The following BMP7 variants were observed in gnomAD, a reference collection of about 807,000 sequenced individuals.
The protein encoded by BMP7 is bone morphogenetic protein 7.
Under a neutral mutation model 41.2 loss-of-function variants are expected in BMP7, and 12 were observed. The observed-to-expected ratio is 0.29, with a 90% CI of 0.19 to 0.47. The LOEUF (loss-of-function observed/expected upper bound fraction) is 0.47. BMP7 is among the 20% of genes least tolerant of loss of function. BMP7 has a pLI of 0.99. For missense variants in BMP7, 467 were observed against 606.0 expected, an observed-to-expected ratio of 0.77 and a Z score of 2.41; for synonymous variants, 248 against 250.0, an observed-to-expected ratio of 0.99 and a Z score of 0.07.
rs1209696910 is a variant in BMP7 at position 57,171,372 on chromosome 20, G to C, written c.1147-264C>G. ...GGAAGGGGCCAGATCCGACATTCAG[G>C]ACCAGGTAATTCTCTGTTGGGGAAC... On this transcript the variant is annotated intron_variant, in intron 6 of 6. Transcript: ENST00000395863. This position sits in a 1 kb window ranked among gnomAD's most constrained non-coding sequence, Gnocchi z 4.5. Among the ~76,000 whole-genome samples, 1 of 152,190 alleles carries C rather than the reference G, an allele frequency of 6.6e-6. No individual in the cohort carries two copies.
Position 57,224,694 on chromosome 20 carries a change from T to G in BMP7, c.611+3535A>C, listed in dbSNP as rs1454383017. On this transcript the variant is annotated intron_variant, in intron 2 of 6. Coordinates refer to ENST00000395863, the MANE Select transcript of BMP7 (RefSeq NM_001719.3). The surrounding 1 kb of genome is among the most constrained non-coding windows in gnomAD (Gnocchi z 4.8). ...TCAGAAAATGAGGATAAGACTCCGA[T>G]CCTTTCGCAGCCCCCTCTCACCCCA... is the stretch of plus-strand genomic sequence containing the variant. The G allele has an allele frequency of 6.6e-6, 1 of 152,226 alleles. No homozygotes were observed. Among genetic ancestry groups the G allele is most frequent in the Non-Finnish European group, 1.5e-5 (1 of 68,118 alleles). The allele number at this position is 152,226 out of a possible 1,614,324, so 9.4% of individuals were successfully genotyped here.
intron 3 of BMP7, among the ~76,000 whole-genome samples, chr20:57,186,274 A>G (rs541191829): frequency 6.6e-6 from 1 of 152,296 alleles, no homozygotes; most frequent in Admixed American, 6.5e-5. Flanking sequence ...GATCTGGAAG[A>G]CGCTTGGGCA....
chr20:57,202,340 AG>A (rs1413224797), intron 3 of BMP7, 134 bp downstream of exon 3: 8 of 1,240,698 alleles, frequency 6.4e-6, no homozygotes. Context: ...TTGGATCAAA[AG>A]GCTGAACATG....
chr20:57,249,804 G>A (rs542552350), intron 1 of BMP7, among the ~76,000 whole-genome samples: 1 of 152,294 alleles, frequency 6.6e-6, no homozygotes, highest in African/African-American at 2.4e-5. Context: ...CAGCGAGACT[G>A]GACCCCCAAG....
chr20:57,201,799 T>C (rs1157736403), intron 3 of BMP7, among the ~76,000 whole-genome samples: 1 of 152,180 alleles, frequency 6.6e-6, no homozygotes, highest in African/African-American at 2.4e-5. Flanking sequence ...GAGAAGTCCA[T>C]TCCCACTTCT....
rs3838040 is a variant in BMP7 at position 57,179,894 on chromosome 20, T to TC, written c.958+3827dup. Among the ~76,000 whole-genome samples, 35 of 152,268 alleles carry TC rather than the reference T, an allele frequency of 2.3e-4. No homozygotes were observed. In the East Asian group the frequency reaches 6.2e-3, roughly 27 times the overall value. On this transcript the variant is annotated intron_variant, in intron 4 of 6. Transcript: ENST00000395863. ...GCCACGGGAAACAGTGAGAGCCCCG[T>TC]CCTGGGGGCTGTGTAAATGGAGACT...
chr20:57,247,937 CA>C (rs1436652559), intron 1 of BMP7, among the ~76,000 whole-genome samples: 1 of 152,102 alleles, frequency 6.6e-6, no homozygotes, highest in African/African-American at 2.4e-5. Context: ...GTTAATAAAA[CA>C]AAGCTTGTTT....
At chr20:57,209,149 A>G (rs2123096999) in intron 2 of BMP7, among the ~76,000 whole-genome samples, 1 of 151,476 alleles carries the variant, frequency 6.6e-6, no homozygotes, top group East Asian at 1.9e-4. Flanking sequence ...GAGAAACCCC[A>G]TCTCTACTAA....
Position 57,224,678 on chromosome 20 carries a change from G to T in BMP7, c.611+3551C>A, listed in dbSNP as rs1048465460. 1 of 152,286 alleles carries T rather than the reference G, an allele frequency of 6.6e-6. No homozygotes were observed. The highest frequency in any genetic ancestry group is 1.5e-5 in the Non-Finnish European group (1 of 68,098). The allele number at this position is 152,286 out of a possible 1,614,324, so 9.4% of individuals were successfully genotyped here. A position where few individuals can be genotyped will look rare whatever the true frequency, so the allele number is the denominator to read the frequency against. ...GCCTCAGGCCTGGGGTTCAGAAAAT[G>T]AGGATAAGACTCCGATCCTTTCGCA... On this transcript the variant is annotated intron_variant, in intron 2 of 6. Coordinates refer to ENST00000395863, the MANE Select transcript of BMP7 (RefSeq NM_001719.3). This position sits in a 1 kb window ranked among gnomAD's most constrained non-coding sequence, Gnocchi z 4.8.
rs1381675538 is a variant in BMP7 at position 57,168,830 on chromosome 20, G to A, written c.*2129C>T. On this transcript the variant is annotated 3_prime_UTR_variant, in exon 7 of 7. Coordinates refer to ENST00000395863, the MANE Select transcript of BMP7 (RefSeq NM_001719.3). ...CTATTTATACAGAATTTTCACTAAG[G>A]ACTGCTCGACGCAACAGCTGTGAGT... 6.6e-6 allele frequency: 1 copy of A among 151,988 alleles called. No individual in the cohort carries two copies. The highest frequency in any genetic ancestry group is 2.1e-4 in the South Asian group (1 of 4,816). The allele number at this position is 151,988 out of a possible 1,614,324, so 9.4% of individuals were successfully genotyped here.
chr20:57,222,004 T>C (rs961901081), intron 2 of BMP7, among the ~76,000 whole-genome samples: 9 of 152,054 alleles, frequency 5.9e-5, no homozygotes, highest in African/African-American at 2.2e-4. Context: ...CAAGATCGCA[T>C]TGTGGACCCA....
intron 4 of BMP7, among the ~76,000 whole-genome samples, chr20:57,181,138 G>A (rs569940576): frequency 6.6e-6 from 1 of 152,248 alleles, no homozygotes; most frequent in East Asian, 1.9e-4. Context: ...GATCAACCTG[G>A]AGCCAAGAAG....
chr20:57,219,127 G>A (rs1159182786), intron 2 of BMP7, among the ~76,000 whole-genome samples: 2 of 125,490 alleles, frequency 1.6e-5, no homozygotes, highest in African/African-American at 5.8e-5. Context: ...TTTGTTCGGT[G>A]GTAGCTGTTC....
At chr20:57,192,293 A>G (rs2123077319) in intron 3 of BMP7, among the ~76,000 whole-genome samples, 1 of 138,204 alleles carries the variant, frequency 7.2e-6, no homozygotes, top group East Asian at 2.0e-4. Flanking sequence ...TATATATAGT[A>G]TATATTATAT....
At chr20:57,209,293 AAATT>A (rs1984826323) in intron 2 of BMP7, among the ~76,000 whole-genome samples, 1 of 142,032 alleles carries the variant, frequency 7.0e-6, no homozygotes, top group Non-Finnish European at 1.5e-5. Flanking sequence ...ATATGTATAT[AAATT>A]AACCAGGCGT....
intron 2 of BMP7, among the ~76,000 whole-genome samples, chr20:57,226,774 C>T (rs75590268): frequency 0.037 from 5,584 of 150,804 alleles, 105 homozygotes; most frequent in Middle Eastern, 0.045. Flanking sequence ...TGTGGTTCCT[C>T]TTCTTTCCTT....
chr20:57,255,764 C>CACTCCAGCCTGGGGGATAGCGAGAG (rs2066131420), intron 1 of BMP7, among the ~76,000 whole-genome samples: 1 of 129,922 alleles, frequency 7.7e-6, no homozygotes, highest in Admixed American at 8.9e-5. Context: ...CATGCCACTA[C>CACTCCAGCCTGGGGGATAGCGAGAG]ACTCCAGCCT....
At position 57,183,064 on chromosome 20, in the gene BMP7, G is replaced by A. The variant is rs368670455; in HGVS notation, c.958+658C>T. Reference sequence around the variant, plus strand: ...GGCCTGACCGACATGGTGAAACCCCGTCTCTACTAAAAATACAAAAATTAG... The same window carrying A: ...GGCCTGACCGACATGGTGAAACCCCATCTCTACTAAAAATACAAAAATTAG... On this transcript the variant is annotated intron_variant, in intron 4 of 6. Transcript: ENST00000395863. Among the ~76,000 whole-genome samples, 4 of 152,058 alleles carry A rather than the reference G, an allele frequency of 2.6e-5. No homozygotes were observed. The South Asian group carries it at 6.2e-4, about 24-fold the overall frequency.
At chr20:57,252,592 C>G (rs1036372086) in intron 1 of BMP7, among the ~76,000 whole-genome samples, 3 of 152,228 alleles carry the variant, frequency 2.0e-5, no homozygotes, top group African/African-American at 7.2e-5. Context: ...TTTTGGTTCC[C>G]AGGAGACAAT....
Sources: gnomAD v4.1 joint callset for allele counts (sites outside exome capture counted in the v4.1 genomes callset) on GRCh38, gnomAD v4.1.1 for gene constraint, Gnocchi (gnomAD v3.1) non-coding constraint, MANE v1.5 for transcripts, NCBI Gene and HGNC (gene_info 2026-07-23, HGNC 2026-07-21) for gene names.